The following SLCO1B1 variants were observed in gnomAD, a reference collection of about 807,000 sequenced individuals.
The protein encoded by SLCO1B1 is OATP-2.
SLCO1B1 carries 81 observed loss-of-function variants against 70.1 expected under a neutral mutation model. That is an observed-to-expected ratio of 1.16 (90% CI 0.97 to 1.39). SLCO1B1 has a LOEUF of 1.39. Among genes scored for constraint, SLCO1B1 ranks in the 40% most tolerant of loss-of-function variants. The pLI is 0.00. For missense variants in SLCO1B1, 895 were observed against 799.6 expected (o/e 1.12, Z -1.44); for synonymous variants, 283 against 271.5 (o/e 1.04, Z -0.42).
Position 21,147,846 on chromosome 12 carries a change from T to G in SLCO1B1, c.84+6188T>G, listed in dbSNP as rs557739982. 7.9e-5 allele frequency among the ~76,000 whole-genome samples: 12 copies of G among 152,312 alleles called. No individual in the cohort carries two copies. The East Asian group carries it at 2.3e-3, about 29-fold the overall frequency. ...CCCACCAACAGGGTAAAAGCATTCC[T>G]ATTTCTCCACATCCTCTCCAGCATC... On this transcript the variant is annotated intron_variant, in intron 2 of 14. Coordinates refer to ENST00000256958, the MANE Select transcript of SLCO1B1 (RefSeq NM_006446.5).
At chr12:21,195,452 T>G (rs1317039406) in intron 7 of SLCO1B1, among the ~76,000 whole-genome samples, 1 of 152,180 alleles carries the variant, frequency 6.6e-6, no homozygotes, top group Non-Finnish European at 1.5e-5. Context: ...CTTTTCTTTT[T>G]TACCTCCTCA....
intron 2 of SLCO1B1, among the ~76,000 whole-genome samples, chr12:21,167,139 AAAAC>A (rs1328775585): frequency 6.6e-6 from 1 of 152,232 alleles, no homozygotes. Context: ...TTGCCACCAA[AAAAC>A]AAACAAAAAA....
chr12:21,202,687 G>A lies in SLCO1B1; in HGVS notation c.1331+1G>A, dbSNP rs1442935615. 6 of 1,605,136 alleles carry A rather than the reference G, an allele frequency of 3.7e-6. No homozygotes were observed. Among genetic ancestry groups the A allele is most frequent in the Admixed American group, 1.7e-5 (1 of 59,834 alleles). On this transcript the variant is annotated splice_donor_variant, in intron 10 of 14. Transcript: ENST00000256958. LOFTEE classifies it high-confidence loss of function. ...CCGGACTAACCATGACCTATGATGG[G>A]TTTGTATATATCACTATATCAATTG...
At chr12:21,199,552 G>C (rs1294872213) in intron 8 of SLCO1B1, among the ~76,000 whole-genome samples, 1 of 152,094 alleles carries the variant, frequency 6.6e-6, no homozygotes, top group Admixed American at 6.6e-5. Flanking sequence ...TACTGAGAAA[G>C]TATGTTATGG....
intron 7 of SLCO1B1, among the ~76,000 whole-genome samples, chr12:21,179,549 A>G (rs11045822): frequency 2.1e-3 from 319 of 152,318 alleles, no homozygotes; most frequent in African/African-American, 7.4e-3. Context: ...ACACATAAAT[A>G]AAATCTATGA....
At chr12:21,155,113 T>A (rs980858615) in intron 2 of SLCO1B1, among the ~76,000 whole-genome samples, 1 of 151,922 alleles carries the variant, frequency 6.6e-6, no homozygotes, top group Non-Finnish European at 1.5e-5. Context: ...TTTGTTTTTT[T>A]TAATCTTAGT....
In SLCO1B1 at chr12:21,157,790, C is replaced by A. The variant is rs112153425; in HGVS notation, c.85-14860C>A. Among the ~76,000 whole-genome samples the A allele has an allele frequency of 4.8e-3, 731 of 151,926 alleles. 5 individuals carry two copies. The highest frequency in any genetic ancestry group is 0.017 in the African/African-American group (691 of 41,428). ...TAATTTTTTGTATTTTTAGTAGAGACGGGGTTTCATCATGTTAGCCAGGAT... is the reference window on the plus strand; with the variant it reads ...TAATTTTTTGTATTTTTAGTAGAGAAGGGGTTTCATCATGTTAGCCAGGAT... On this transcript the variant is annotated intron_variant, in intron 2 of 14. Coordinates refer to ENST00000256958, the MANE Select transcript of SLCO1B1 (RefSeq NM_006446.5).
chr12:21,143,142 G>A lies in SLCO1B1; in HGVS notation c.84+1484G>A, dbSNP rs113173969. Among the ~76,000 whole-genome samples, 12 of 152,062 alleles carry A rather than the reference G, an allele frequency of 7.9e-5. 1 individual carries two copies. The highest frequency in any genetic ancestry group is 2.1e-4 in the South Asian group (1 of 4,824). On this transcript the variant is annotated intron_variant, in intron 2 of 14. Transcript: ENST00000256958. ...TTACAATAATTCTGTAAAGACTTGCGTGCCTGTAGTTGAGGTTTGTTGCAT... is the reference window on the plus strand; with the variant it reads ...TTACAATAATTCTGTAAAGACTTGCATGCCTGTAGTTGAGGTTTGTTGCAT...
intron 2 of SLCO1B1, among the ~76,000 whole-genome samples, chr12:21,153,501 A>G (rs569773901): frequency 1.2e-4 from 18 of 152,240 alleles, no homozygotes; most frequent in Admixed American, 3.3e-4. Context: ...GTCCTAGTAC[A>G]TCATTGATGT....
At chr12:21,181,724 G>A (rs1003420497) in intron 7 of SLCO1B1, among the ~76,000 whole-genome samples, 6 of 151,932 alleles carry the variant, frequency 3.9e-5, no homozygotes, top group African/African-American at 1.5e-4. Context: ...ACATACAGTG[G>A]ACCCATGAAC....
intron 1 of SLCO1B1, among the ~76,000 whole-genome samples, chr12:21,132,746 G>T (rs1048677527): frequency 6.6e-6 from 1 of 151,666 alleles, no homozygotes; most frequent in Non-Finnish European, 1.5e-5. Context: ...TTTGTCAGAT[G>T]AGTAGGTTGC....
At chr12:21,175,164 C>T in intron 4 of SLCO1B1, among the ~76,000 whole-genome samples, 1 of 152,076 alleles carries the variant, frequency 6.6e-6, no homozygotes, top group Non-Finnish European at 1.5e-5. Context: ...GGGGGAGAAA[C>T]TTATTTTTCA....
At position 21,165,604 on chromosome 12, in the gene SLCO1B1, G is replaced by A. The variant is rs1940674561; in HGVS notation, c.85-7046G>A. Among the ~76,000 whole-genome samples the A allele has an allele frequency of 5.3e-5, 8 of 152,246 alleles. No individual in the cohort carries two copies. The South Asian group carries it at 1.7e-3, about 32-fold the overall frequency. On this transcript the variant is annotated intron_variant, in intron 2 of 14. Coordinates refer to ENST00000256958, the MANE Select transcript of SLCO1B1 (RefSeq NM_006446.5). ...TCCCCTCTCCCCAAAATTGTGTATT[G>A]AATTTCAAAATCCAATGTGATAGTA...
chr12:21,216,954 C>G (rs1941365384), intron 11 of SLCO1B1, among the ~76,000 whole-genome samples, 165 bp from the exon 12 acceptor site: 1 of 152,096 alleles, frequency 6.6e-6, no homozygotes, highest in African/African-American at 2.4e-5. Context: ...ATCCACAAAA[C>G]TATTTTACCT....
chr12:21,142,931 A>G (rs1940331598), intron 2 of SLCO1B1, among the ~76,000 whole-genome samples: 1 of 152,074 alleles, frequency 6.6e-6, no homozygotes, highest in African/African-American at 2.4e-5. Context: ...ACTGCAGCCC[A>G]ATAAAGAAGA....
chr12:21,236,518 G>A (rs1220042892), intron 14 of SLCO1B1, among the ~76,000 whole-genome samples: 1 of 152,184 alleles, frequency 6.6e-6, no homozygotes, highest in African/African-American at 2.4e-5. Context: ...TATCCCTGGG[G>A]AGTTCCCAAA....
rs148962212 is a variant in SLCO1B1, at chr12:21,218,254, A to G, written c.1682+951A>G. On this transcript the variant is annotated intron_variant, in intron 12 of 14. Coordinates refer to ENST00000256958, the MANE Select transcript of SLCO1B1 (RefSeq NM_006446.5). ...AGGTTGTGACACATGATAAGATTGGAGAGTTAGGAAGGGTGCAGGTAATGC... is the reference window on the plus strand; with the variant it reads ...AGGTTGTGACACATGATAAGATTGGGGAGTTAGGAAGGGTGCAGGTAATGC... Among the ~76,000 whole-genome samples, 24 of 152,296 alleles carry G rather than the reference A, an allele frequency of 1.6e-4. No homozygotes were observed. In the East Asian group the frequency reaches 4.6e-3, roughly 29 times the overall value.
chr12:21,200,401 G>A (rs1941142613), intron 8 of SLCO1B1, 107 bp from the exon 9 acceptor site: 2 of 635,460 alleles, frequency 3.1e-6, no homozygotes, highest in Admixed American at 6.4e-5. Context: ...TTTGTGTTAT[G>A]TGTTTATAGA....
intron 11 of SLCO1B1, among the ~76,000 whole-genome samples, chr12:21,215,187 T>A (rs925760132): frequency 2.0e-5 from 3 of 152,220 alleles, no homozygotes; most frequent in Admixed American, 2.0e-4. Flanking sequence ...CTTTCCTGAT[T>A]GATCTGTCTA....
Sources: gnomAD v4.1 joint callset for allele counts (sites outside exome capture counted in the v4.1 genomes callset) on GRCh38, gnomAD v4.1.1 for gene constraint, MANE v1.5 for transcripts, NCBI Gene and HGNC (gene_info 2026-07-23, HGNC 2026-07-21) for gene names.